The following RALGAPA1 variants were observed in gnomAD, a reference collection of about 807,000 sequenced individuals.
RALGAPA1 encodes the protein Ral GTPase activating protein catalytic subunit alpha 1.
In RALGAPA1, 52 loss-of-function variants were observed where a neutral mutation model predicts 269.6. That is an observed-to-expected ratio of 0.19 (90% CI 0.15 to 0.24). The LOEUF (loss-of-function observed/expected upper bound fraction) is 0.24, where lower values mean the gene tolerates loss of function less well. Ranked by LOEUF, RALGAPA1 falls within the 10% of genes least tolerant of loss-of-function variation. The pLI, the probability that RALGAPA1 is intolerant of heterozygous loss-of-function variation, is 1.00. For missense variants in RALGAPA1, 1,917 were observed against 3,013.9 expected (o/e 0.64, Z 8.52); for synonymous variants, 817 against 1,008.3 (o/e 0.81, Z 3.60).
chr14:35,561,968 A>G (rs2056296430), intron 39 of RALGAPA1, among the ~76,000 whole-genome samples: 1 of 152,202 alleles, frequency 6.6e-6, no homozygotes, highest in Admixed American at 6.5e-5. Context: ...AGACCACAAA[A>G]CCTGGATCAC....
At chr14:35,803,145 C>T (rs2077099779) in intron 1 of RALGAPA1, among the ~76,000 whole-genome samples, 3 of 152,156 alleles carry the variant, frequency 2.0e-5, no homozygotes, top group South Asian at 2.1e-4. Flanking sequence ...CTGGCACCAA[C>T]AAAGATAAAC....
rs191591566 is a variant in RALGAPA1, at chr14:35,557,521, C to A, written c.7497-8287G>T. 2.0e-5 allele frequency among the ~76,000 whole-genome samples: 3 copies of A among 152,242 alleles called. No homozygotes were observed. The East Asian group carries it at 5.8e-4, about 29-fold the overall frequency. On this transcript the variant is annotated intron_variant, in intron 39 of 41. Coordinates refer to ENST00000680220, the MANE Select transcript of RALGAPA1 (RefSeq NM_001346249.2). ...GAATCTATGATAAGCAGTACATTGG[C>A]TTAAACTAATGCACTATATGCCCCC...
chr14:35,668,638 A>G (rs376425419), intron 26 of RALGAPA1, among the ~76,000 whole-genome samples: 181 of 152,230 alleles, frequency 1.2e-3, no homozygotes, highest in African/African-American at 3.9e-3. Context: ...ACAAAAAGTT[A>G]AAAACATTAC....
At chr14:35,561,610 C>T (rs188646239) in intron 39 of RALGAPA1, among the ~76,000 whole-genome samples, 1 of 141,976 alleles carries the variant, frequency 7.0e-6, no homozygotes, top group Admixed American at 7.6e-5. Flanking sequence ...TGGGTTCAAG[C>T]AATTCTCATC....
At chr14:35,581,718 T>A (rs1002516541) in intron 37 of RALGAPA1, among the ~76,000 whole-genome samples, 1 of 152,188 alleles carries the variant, frequency 6.6e-6, no homozygotes, top group Non-Finnish European at 1.5e-5. Flanking sequence ...ATTATTTTTT[T>A]AAAACAGAAA....
intron 35 of RALGAPA1, among the ~76,000 whole-genome samples, chr14:35,621,054 A>G (rs2060589390): frequency 6.6e-6 from 1 of 152,246 alleles, no homozygotes; most frequent in South Asian, 2.1e-4. Flanking sequence ...CACATTGTCA[A>G]GACAATCCTA....
intron 22 of RALGAPA1, among the ~76,000 whole-genome samples, chr14:35,675,198 T>C (rs1360903900): frequency 1.3e-5 from 2 of 152,154 alleles, no homozygotes; most frequent in East Asian, 3.9e-4. Flanking sequence ...CTTTTTGAGA[T>C]GGAGTCTTGC....
intron 7 of RALGAPA1, among the ~76,000 whole-genome samples, 177 bp from the exon 8 acceptor site, chr14:35,752,339 C>T (rs1244979376): frequency 6.6e-6 from 1 of 152,104 alleles, no homozygotes; most frequent in Non-Finnish European, 1.5e-5. Context: ...CAAACAAGTA[C>T]ATTATGTATA....
In RALGAPA1 at chr14:35,738,498, C is replaced by A; in HGVS notation, c.1587+15G>T. Reference sequence around the variant, plus strand: ...TGATTATTTTATTTTTAAAAATAGCCATAAAGTGATCCACCTGCAAAACTG... The same window carrying A: ...TGATTATTTTATTTTTAAAAATAGCAATAAAGTGATCCACCTGCAAAACTG... On this transcript the variant is annotated intron_variant, in intron 12 of 41. Coordinates refer to ENST00000680220, the MANE Select transcript of RALGAPA1 (RefSeq NM_001346249.2). 6.3e-7 allele frequency: 1 copy of A among 1,578,532 alleles called. No individual in the cohort carries two copies. Among genetic ancestry groups the A allele is most frequent in the South Asian group, 1.2e-5 (1 of 84,078 alleles).
intron 12 of RALGAPA1, among the ~76,000 whole-genome samples, chr14:35,735,763 A>C (rs2070930333): frequency 6.6e-6 from 1 of 152,216 alleles, no homozygotes; most frequent in Non-Finnish European, 1.5e-5. Context: ...AGAAAAAAGG[A>C]AATGAAAAAA....
chr14:35,716,094 T>C (rs2068793653), intron 16 of RALGAPA1: 1 of 984,330 alleles, frequency 1.0e-6, no homozygotes, highest in Admixed American at 6.2e-5. Context: ...TTTTCAAATG[T>C]AGAAAAAATT....
At chr14:35,692,533 T>C (rs1029822756) in intron 17 of RALGAPA1, among the ~76,000 whole-genome samples, 10 of 150,514 alleles carry the variant, frequency 6.6e-5, no homozygotes, top group African/African-American at 2.4e-4. Context: ...TATATGACTA[T>C]CTAAAACTTC....
intron 37 of RALGAPA1, among the ~76,000 whole-genome samples, chr14:35,590,872 G>C (rs2058592941): frequency 6.6e-6 from 1 of 152,188 alleles, no homozygotes; most frequent in Non-Finnish European, 1.5e-5. Flanking sequence ...TGAAATGGCT[G>C]ATCATGTTCA....
chr14:35,685,425 A>G (rs889880839), intron 19 of RALGAPA1, among the ~76,000 whole-genome samples: 2 of 152,144 alleles, frequency 1.3e-5, no homozygotes, highest in Non-Finnish European at 2.9e-5. Context: ...CAGCAGAAAG[A>G]GTATTTAGTG....
intron 12 of RALGAPA1, among the ~76,000 whole-genome samples, chr14:35,738,290 T>C (rs1177943099): frequency 6.6e-6 from 1 of 151,912 alleles, no homozygotes; most frequent in East Asian, 1.9e-4. Context: ...CAGATGACAG[T>C]ACACCATAAC....
At chr14:35,744,276 C>T (rs910253722) in intron 10 of RALGAPA1, among the ~76,000 whole-genome samples, 1 of 149,916 alleles carries the variant, frequency 6.7e-6, no homozygotes, top group Non-Finnish European at 1.5e-5. Context: ...GAGGCTGAGG[C>T]AGGAGAATCG....
chr14:35,572,814 A>G, intron 37 of RALGAPA1, 96 bp from the exon 38 acceptor site: 1 of 842,770 alleles, frequency 1.2e-6, no homozygotes, highest in Non-Finnish European at 1.7e-6. Context: ...AACGAAATTA[A>G]AAAATTGTTA....
chr14:35,697,092 T>G (rs1376046874), intron 17 of RALGAPA1, among the ~76,000 whole-genome samples: 1 of 152,176 alleles, frequency 6.6e-6, no homozygotes, highest in Non-Finnish European at 1.5e-5. Context: ...TCTCCTTCGC[T>G]CTACACCTAA....
intron 12 of RALGAPA1, among the ~76,000 whole-genome samples, chr14:35,734,952 C>T (rs2070839024): frequency 6.6e-6 from 1 of 151,534 alleles, no homozygotes; most frequent in Non-Finnish European, 1.5e-5. Context: ...TGAAAAAATG[C>T]TCAAAATCAT....
Sources: gnomAD v4.1 joint callset for allele counts (sites outside exome capture counted in the v4.1 genomes callset) on GRCh38, gnomAD v4.1.1 for gene constraint, MANE v1.5 for transcripts, NCBI Gene and HGNC (gene_info 2026-07-23, HGNC 2026-07-21) for gene names.